TRERF1: variants seen among roughly 807,000 people sequenced by gnomAD.
TRERF1 encodes transcriptional regulating factor 1, also known as transcriptional-regulating factor 1.
TRERF1 carries 27 observed loss-of-function variants against 122.9 expected under a neutral mutation model. The observed-to-expected ratio is 0.22, with a 90% confidence interval of 0.16 to 0.30. The LOEUF (loss-of-function observed/expected upper bound fraction) is 0.30. Ranked by LOEUF, TRERF1 falls within the 10% of genes least tolerant of loss-of-function variation. TRERF1 has a pLI of 1.00. For missense variants in TRERF1, 1,248 were observed against 1,560.3 expected (o/e 0.80, Z 3.37); for synonymous variants, 636 against 641.7 (o/e 0.99, Z 0.13).
intron 2 of TRERF1, among the ~76,000 whole-genome samples, chr6:42,417,726 A>G (rs1407910288): frequency 6.6e-6 from 1 of 152,220 alleles, no homozygotes; most frequent in Non-Finnish European, 1.5e-5. Context: ...AGAGGTTTGG[A>G]CATGACACAG....
intron 2 of TRERF1, among the ~76,000 whole-genome samples, chr6:42,371,748 C>T (rs533106813): frequency 2.6e-5 from 4 of 152,270 alleles, no homozygotes; most frequent in African/African-American, 9.6e-5. Context: ...AGAAAGAAGC[C>T]ATTGGCAATT....
At chr6:42,270,538 G>A (rs954406105) in intron 4 of TRERF1, among the ~76,000 whole-genome samples, 9 of 152,126 alleles carry the variant, frequency 5.9e-5, no homozygotes, top group African/African-American at 2.2e-4. Context: ...GGCACAATGC[G>A]GAGAAATGAC....
chr6:42,243,518 T>A (rs950334425), intron 14 of TRERF1, among the ~76,000 whole-genome samples, 157 bp from the exon 15 acceptor site: 7 of 151,910 alleles, frequency 4.6e-5, no homozygotes, highest in Non-Finnish European at 8.8e-5. Context: ...CACACGCCTG[T>A]CCTTACCCCT....
intron 4 of TRERF1, among the ~76,000 whole-genome samples, chr6:42,296,507 G>A (rs1234685686): frequency 6.6e-6 from 1 of 152,158 alleles, no homozygotes; most frequent in East Asian, 1.9e-4. Context: ...TTAAGTCCTT[G>A]AATAGCTCTA....
chr6:42,395,975 G>A (rs1778511933), intron 2 of TRERF1, among the ~76,000 whole-genome samples: 1 of 152,028 alleles, frequency 6.6e-6, no homozygotes, highest in Non-Finnish European at 1.5e-5. Flanking sequence ...GCAATCAGTG[G>A]ATAAGCAACT....
chr6:42,253,576 G>T (rs1335273733), intron 13 of TRERF1, among the ~76,000 whole-genome samples: 2 of 152,112 alleles, frequency 1.3e-5, no homozygotes, highest in African/African-American at 4.8e-5. Context: ...TAAGAAGCTG[G>T]CTCCTTTAGG....
At chr6:42,430,164 G>C (rs560581952) in intron 2 of TRERF1, among the ~76,000 whole-genome samples, 1 of 151,898 alleles carries the variant, frequency 6.6e-6, no homozygotes, top group African/African-American at 2.4e-5. Flanking sequence ...GCTTGGTGGG[G>C]GCCGCTGATG....
rs866557291 is a variant in TRERF1, at chr6:42,262,588, A to G, written c.1884+732T>C. Among the ~76,000 whole-genome samples the G allele has an allele frequency of 8.7e-5, 13 of 148,736 alleles. 1 individual carries two copies. Among genetic ancestry groups the G allele is most frequent in the Admixed American group, 1.3e-4 (2 of 15,146 alleles). The stretch of plus-strand genomic sequence containing the variant: ...GAGAGAGAGAGAGAGAGAGAGAGAG[A>G]GAGAGAGAGAGACAGACAGACGGAA... On this transcript the variant is annotated intron_variant, in intron 8 of 17. Coordinates refer to ENST00000372922, the Ensembl canonical transcript of TRERF1.
At chr6:42,395,760 G>C (rs543687761) in intron 2 of TRERF1, among the ~76,000 whole-genome samples, 2 of 151,908 alleles carry the variant, frequency 1.3e-5, no homozygotes, top group East Asian at 3.9e-4. Flanking sequence ...AGCCCTTACA[G>C]TAGGTCCATG....
chr6:42,422,236 C>T (rs907733861), intron 2 of TRERF1, among the ~76,000 whole-genome samples: 2 of 151,512 alleles, frequency 1.3e-5, no homozygotes, highest in South Asian at 2.1e-4. Context: ...ATCTCTCCTC[C>T]TAGCCGGGCA....
chr6:42,379,361 T>C (rs2151123997), intron 2 of TRERF1, among the ~76,000 whole-genome samples: 1 of 152,110 alleles, frequency 6.6e-6, no homozygotes, highest in African/African-American at 2.4e-5. Flanking sequence ...GCCCACTGTG[T>C]CCTTTTCCTA....
At chr6:42,227,660 C>T (rs1040355548) in exon 18 of TRERF1, 1 of 152,242 alleles carries the variant, frequency 6.6e-6, no homozygotes, top group African/African-American at 2.4e-5. Flanking sequence ...AAAACCAGGT[C>T]CTCAGTAAAC....
At chr6:42,320,165 C>G (rs1763169155) in intron 3 of TRERF1, among the ~76,000 whole-genome samples, 1 of 152,060 alleles carries the variant, frequency 6.6e-6, no homozygotes, top group African/African-American at 2.4e-5. Context: ...TCCCAAAGTA[C>G]TGGGATTACA....
intron 2 of TRERF1, among the ~76,000 whole-genome samples, chr6:42,410,637 C>G (rs974014200): frequency 5.3e-5 from 8 of 152,148 alleles, no homozygotes; most frequent in South Asian, 4.2e-4. Context: ...CTCAGTCCCC[C>G]CTCCCTCCAT....
intron 2 of TRERF1, among the ~76,000 whole-genome samples, chr6:42,427,883 A>G (rs1195431593): frequency 6.6e-6 from 1 of 151,956 alleles, no homozygotes; most frequent in African/African-American, 2.4e-5. Flanking sequence ...AAAAAATCAG[A>G]CTCTTGACAC....
At chr6:42,247,512 G>A (rs1224301496) in intron 13 of TRERF1, among the ~76,000 whole-genome samples, 1 of 152,180 alleles carries the variant, frequency 6.6e-6, no homozygotes, top group African/African-American at 2.4e-5. Flanking sequence ...TCTGGTTCAA[G>A]TATAAGGTTC....
chr6:42,442,805 T>G (rs1786765606), intron 2 of TRERF1, among the ~76,000 whole-genome samples: 1 of 152,230 alleles, frequency 6.6e-6, no homozygotes, highest in Admixed American at 6.5e-5. Flanking sequence ...TTTAATGCTG[T>G]ATAGTATTAT....
At position 42,279,973 on chromosome 6, in the gene TRERF1, G is replaced by A. The variant is rs139452593; in HGVS notation, c.-258-10125C>T. ...TACAAAGTCAGTATGTAAAATAACC[G>A]TGCAATAGTGTTCTTGTGTTTGGGT... On this transcript the variant is annotated intron_variant, in intron 4 of 17. Coordinates refer to ENST00000372922, the Ensembl canonical transcript of TRERF1. Among the ~76,000 whole-genome samples the A allele has an allele frequency of 4.1e-4, 62 of 152,184 alleles. No homozygotes were observed. In the East Asian group the frequency reaches 0.011, roughly 28 times the overall value.
At chr6:42,312,687 T>A (rs1181182080) in intron 3 of TRERF1, among the ~76,000 whole-genome samples, 1 of 152,180 alleles carries the variant, frequency 6.6e-6, no homozygotes, top group Non-Finnish European at 1.5e-5. Context: ...TGTGCTGTAC[T>A]CACATCCAGG....
Sources: gnomAD v4.1 joint callset for allele counts (sites outside exome capture counted in the v4.1 genomes callset) on GRCh38, gnomAD v4.1.1 for gene constraint, MANE v1.5 for transcripts, NCBI Gene and HGNC (gene_info 2026-07-23, HGNC 2026-07-21) for gene names.